Variants in AKAP6 observed in about 807,000 individuals in gnomAD.
AKAP6 encodes the protein A-kinase anchor protein 6.
In AKAP6, 58 loss-of-function variants were observed where a neutral mutation model predicts 188.5. That is an observed-to-expected ratio of 0.31 (90% confidence interval 0.25 to 0.38). The LOEUF (loss-of-function observed/expected upper bound fraction) is 0.38. Among genes scored for constraint, AKAP6 ranks in the 10% least tolerant of loss-of-function variants. AKAP6 has a pLI of 1.00. For synonymous variants in AKAP6, 989 were observed against 998.6 expected, an observed-to-expected ratio of 0.99 and a Z score of 0.18; for missense variants, 2,710 against 2,740.0, an observed-to-expected ratio of 0.99 and a Z score of 0.24.
intron 7 of AKAP6, among the ~76,000 whole-genome samples, chr14:32,673,173 A>T (rs572774334): frequency 3.9e-5 from 6 of 152,306 alleles, no homozygotes; most frequent in Non-Finnish European, 8.8e-5. Flanking sequence ...CAGACCCATT[A>T]TCTCAGTTTT....
intron 7 of AKAP6, among the ~76,000 whole-genome samples, chr14:32,614,944 G>A (rs1198629891): frequency 2.0e-5 from 3 of 151,814 alleles, no homozygotes; most frequent in Non-Finnish European, 4.4e-5. Context: ...GCCAAGGCGG[G>A]CAGATCATGA....
chr14:32,479,781 C>CAAA (rs140840307), intron 2 of AKAP6, among the ~76,000 whole-genome samples: 5 of 151,866 alleles, frequency 3.3e-5, no homozygotes, highest in Non-Finnish European at 7.4e-5. Flanking sequence ...CATGAGGACA[C>CAAA]AAGAAGACAC....
At chr14:32,645,273 G>A (rs1473523713) in intron 7 of AKAP6, among the ~76,000 whole-genome samples, 2 of 152,074 alleles carry the variant, frequency 1.3e-5, no homozygotes, top group East Asian at 1.9e-4. Context: ...AAAGAGCAAC[G>A]TAGCACCGAG....
At chr14:32,471,911 G>A (rs999891217) in intron 2 of AKAP6, among the ~76,000 whole-genome samples, 10 of 152,196 alleles carry the variant, frequency 6.6e-5, no homozygotes, top group Non-Finnish European at 1.2e-4. Flanking sequence ...ACAATTGTGA[G>A]TAAACCAAGA....
chr14:32,488,973 A>G (rs993337103), intron 2 of AKAP6, among the ~76,000 whole-genome samples: 3 of 152,124 alleles, frequency 2.0e-5, no homozygotes, highest in Non-Finnish European at 4.4e-5. Flanking sequence ...TTTCCCGGTA[A>G]TCCCCTGGTT....
chr14:32,806,959 T>G (rs1360305928), intron 12 of AKAP6, among the ~76,000 whole-genome samples: 2 of 151,376 alleles, frequency 1.3e-5, no homozygotes, highest in African/African-American at 2.4e-5. Context: ...GAGGCTGAGG[T>G]GGGAGACTCG....
At chr14:32,629,442 G>A (rs904174478) in intron 7 of AKAP6, among the ~76,000 whole-genome samples, 35 of 130,668 alleles carry the variant, frequency 2.7e-4, no homozygotes, top group South Asian at 5.0e-4. Context: ...GAAAGAAAAA[G>A]AAAGAAGGCA....
chr14:32,531,425 G>A (rs1026412644), intron 2 of AKAP6, among the ~76,000 whole-genome samples: 2 of 152,142 alleles, frequency 1.3e-5, no homozygotes, highest in African/African-American at 4.8e-5. Flanking sequence ...TCAAGAATAC[G>A]AAGGCAGTAT....
chr14:32,822,580 C>T lies in AKAP6; in HGVS notation c.4767C>T (p.Ser1589=). Residue 1589 remains serine (S), a synonymous_variant, in exon 13 of 14, where the codon AGC becomes AGT. Coordinates refer to ENST00000280979, the MANE Select transcript of AKAP6 (RefSeq NM_004274.5). ...GCATCTTTAAAAATGGCAGTGACAG[C>T]CTCCAGCGAAGCACTTCTTTAGAAA... ...GLGIFKNGSD[S]LQRSTSLESW... is the part of the protein sequence containing the mutation. 6.2e-7 allele frequency: 1 copy of T among 1,613,954 alleles called. No homozygotes were observed. Among genetic ancestry groups the T allele is most frequent in the Non-Finnish European group, 8.5e-7 (1 of 1,179,950 alleles).
intron 7 of AKAP6, among the ~76,000 whole-genome samples, chr14:32,627,629 A>G (rs747286915): frequency 9.9e-5 from 15 of 152,028 alleles, no homozygotes; most frequent in Non-Finnish European, 1.9e-4. Flanking sequence ...TCTTTTTTCT[A>G]GCACAACCCT....
At chr14:32,486,208 G>T (rs2138923417) in intron 2 of AKAP6, among the ~76,000 whole-genome samples, 1 of 57,982 alleles carries the variant, frequency 1.7e-5, no homozygotes, top group East Asian at 1.1e-3. Flanking sequence ...ATGCTGTTTT[G>T]GTTACCGTAT....
chr14:32,532,330 A>G (rs1172988934), intron 2 of AKAP6, among the ~76,000 whole-genome samples: 1 of 152,094 alleles, frequency 6.6e-6, no homozygotes, highest in Non-Finnish European at 1.5e-5. Context: ...TTTTCCCCTT[A>G]GGGGTCCATC....
intron 7 of AKAP6, among the ~76,000 whole-genome samples, chr14:32,604,158 G>A (rs1192725903): frequency 2.0e-5 from 3 of 152,100 alleles, no homozygotes; most frequent in African/African-American, 4.8e-5. Context: ...AATAACATTC[G>A]TGCTTTCCTT....
intron 2 of AKAP6, among the ~76,000 whole-genome samples, chr14:32,475,061 A>G (rs757785152): frequency 4.6e-5 from 7 of 152,182 alleles, no homozygotes; most frequent in Non-Finnish European, 8.8e-5. Flanking sequence ...CCTTATACAA[A>G]GGAATGTACA....
chr14:32,828,108 AT>A (rs763635564), intron 13 of AKAP6, among the ~76,000 whole-genome samples: 1 of 152,154 alleles, frequency 6.6e-6, no homozygotes, highest in Non-Finnish European at 1.5e-5. Context: ...TGGCCAGTAG[AT>A]TTTAGATTTT....
rs2031387200 is a variant in AKAP6, at chr14:32,735,704, G to C, written c.3194G>C (p.Gly1065Ala). 1 of 1,613,358 alleles carries C rather than the reference G, an allele frequency of 6.2e-7. No homozygotes were observed. Among genetic ancestry groups the C allele is most frequent in the Non-Finnish European group, 8.5e-7 (1 of 1,179,704 alleles). ...KIQDTMAGHS[G>A]SSPRDLLSPE... ...CAGGACACAATGGCAGGGCACAGTGGGTCGAGTCCACGTGACCTGCTCTCT... is the reference window on the plus strand; with the variant it reads ...CAGGACACAATGGCAGGGCACAGTGCGTCGAGTCCACGTGACCTGCTCTCT... Residue 1065 changes from glycine to alanine, a missense_variant, in exon 11 of 14, where the codon GGG (glycine) becomes GCG (alanine). Gly to Ala is a moderately conservative substitution (Grantham distance 60). This residue lies in a region of AKAP6 where 2,473 missense variants were observed against 2,426.1 expected (regional missense o/e 1.02). Transcript: ENST00000280979.
chr14:32,656,882 TTC>T (rs913887013), intron 7 of AKAP6, among the ~76,000 whole-genome samples: 7 of 152,288 alleles, frequency 4.6e-5, no homozygotes, highest in Non-Finnish European at 1.0e-4. Flanking sequence ...GTAAATATGC[TTC>T]TCTCTGTTTA....
intron 11 of AKAP6, among the ~76,000 whole-genome samples, chr14:32,739,077 A>G (rs1003733133): frequency 1.3e-5 from 2 of 152,142 alleles, no homozygotes; most frequent in African/African-American, 4.8e-5. Context: ...TAGGGGGACA[A>G]AAAGTTATTT....
intron 11 of AKAP6, among the ~76,000 whole-genome samples, chr14:32,763,230 TTC>T (rs1217935949): frequency 1.3e-5 from 2 of 152,132 alleles, no homozygotes; most frequent in East Asian, 3.8e-4. Context: ...AAAACTGTCA[TTC>T]TCTGTTTCTG....
Sources: gnomAD v4.1 joint callset for allele counts (sites outside exome capture counted in the v4.1 genomes callset) on GRCh38, gnomAD v4.1.1 for gene constraint, gnomAD v4.1.1 regional missense constraint, MANE v1.5 for transcripts, NCBI Gene and HGNC (gene_info 2026-07-23, HGNC 2026-07-21) for gene names.